The following TFB2M variants were observed in gnomAD, a reference collection of about 807,000 sequenced individuals.
The protein encoded by TFB2M is transcription factor B2, mitochondrial.
In TFB2M, 44 loss-of-function variants were observed where a neutral mutation model predicts 41.3. That is an observed-to-expected ratio of 1.07 (90% CI 0.84 to 1.37). The LOEUF is 1.37. Among genes scored for constraint, TFB2M ranks in the 40% most tolerant of loss-of-function variants. TFB2M has a pLI of 0.00. For synonymous variants in TFB2M, 188 were observed against 176.8 expected (o/e 1.06, Z -0.50); for missense variants, 496 against 490.2 (o/e 1.01, Z -0.11).
intron 4 of TFB2M, among the ~76,000 whole-genome samples, chr1:246,552,337 G>C (rs886714024): frequency 6.6e-6 from 1 of 152,164 alleles, no homozygotes; most frequent in African/African-American, 2.4e-5. Context: ...ATTCTGGGCA[G>C]AAAAGAAAGA....
At position 246,544,522 on chromosome 1, in the gene TFB2M, G is replaced by GT; in HGVS notation, c.1017dup (p.Arg340ThrfsTer7). On this transcript the variant is annotated frameshift_variant and splice_region_variant, in exon 7 of 8. Coordinates refer to ENST00000366514, the MANE Select transcript of TFB2M (RefSeq NM_022366.3). LOFTEE classifies it low-confidence loss of function (END_TRUNC). ...CTTGCTTTTATTCTTTTTACTCACCGTAAGTGGTCTATTACAGTGGCGCTG... is the reference window on the plus strand; with the variant it reads ...CTTGCTTTTATTCTTTTTACTCACCGTTAAGTGGTCTATTACAGTGGCGCTG... The GT allele has an allele frequency of 1.3e-6, 2 of 1,592,744 alleles. No homozygotes were observed. Among genetic ancestry groups the GT allele is most frequent in the Non-Finnish European group, 1.7e-6 (2 of 1,174,472 alleles).
intron 6 of TFB2M, among the ~76,000 whole-genome samples, chr1:246,546,571 G>T (rs1659024239): frequency 6.6e-6 from 1 of 151,138 alleles, no homozygotes; most frequent in South Asian, 2.1e-4. Flanking sequence ...CCAAGATCAT[G>T]CCATCGCACT....
At chr1:246,541,226 T>G in intron 7 of TFB2M, 24 bp from the exon 8 acceptor site, 1 of 1,606,034 alleles carries the variant, frequency 6.2e-7, no homozygotes, top group Non-Finnish European at 8.5e-7. Context: ...ACAAAGTAAA[T>G]GTACTTAATT....
chr1:246,558,210 AAT>A (rs1558513910), intron 2 of TFB2M, among the ~76,000 whole-genome samples: 1 of 149,300 alleles, frequency 6.7e-6, no homozygotes, highest in Non-Finnish European at 1.5e-5. Flanking sequence ...GCAGTGGCGC[AAT>A]CCCAGCTGAC....
intron 4 of TFB2M, 76 bp from the exon 5 acceptor site, chr1:246,551,378 G>T: frequency 9.7e-7 from 1 of 1,030,846 alleles, no homozygotes; most frequent in Non-Finnish European, 1.5e-6. Flanking sequence ...CTCTTAATAG[G>T]ACTATCTTAA....
At chr1:246,548,058 T>C (rs1338960118) in intron 6 of TFB2M, among the ~76,000 whole-genome samples, 1 of 152,182 alleles carries the variant, frequency 6.6e-6, no homozygotes, top group Non-Finnish European at 1.5e-5. Context: ...GTGATTCTTC[T>C]GCTTCAGCGT....
intron 2 of TFB2M, among the ~76,000 whole-genome samples, chr1:246,559,358 G>A (rs77627992): frequency 6.6e-5 from 10 of 152,228 alleles, no homozygotes; most frequent in African/African-American, 1.9e-4. Context: ...AGATGAGCAC[G>A]GCCAACATGG....
rs144916997 is a variant in TFB2M, at chr1:246,552,318, A to G, written c.706-1016T>C. On this transcript the variant is annotated intron_variant, in intron 4 of 7. Coordinates refer to ENST00000366514, the MANE Select transcript of TFB2M (RefSeq NM_022366.3). Reference sequence around the variant, plus strand: ...GTCAAACTGGATTAACAGATCAATAACATGAAACATTCTGGGCAGAAAAGA... The same window carrying G: ...GTCAAACTGGATTAACAGATCAATAGCATGAAACATTCTGGGCAGAAAAGA... Among the ~76,000 whole-genome samples the G allele has an allele frequency of 1.8e-3, 275 of 152,310 alleles. 1 individual carries two copies. The highest frequency in any genetic ancestry group is 6.3e-3 in the African/African-American group (261 of 41,574).
chr1:246,544,797 G>A, intron 6 of TFB2M, 116 bp from the exon 7 acceptor site: 1 of 839,780 alleles, frequency 1.2e-6, no homozygotes, highest in Non-Finnish European at 1.8e-6. Context: ...GGCCCTGAGT[G>A]TCTTCACATT....
intron 1 of TFB2M, 88 bp downstream of exon 1, chr1:246,565,738 C>T: frequency 1.4e-6 from 2 of 1,387,416 alleles, no homozygotes; most frequent in South Asian, 1.4e-5. Flanking sequence ...AAAAAGACCC[C>T]CCAGTATCTA....
intron 1 of TFB2M, among the ~76,000 whole-genome samples, chr1:246,564,836 C>T (rs1381657469): frequency 1.3e-5 from 2 of 152,100 alleles, no homozygotes; most frequent in Admixed American, 6.6e-5. Flanking sequence ...CCCGCCACCA[C>T]GCCCGGCTAA....
intron 2 of TFB2M, among the ~76,000 whole-genome samples, chr1:246,563,740 A>G (rs1659518218): frequency 6.6e-6 from 1 of 152,256 alleles, no homozygotes; most frequent in Non-Finnish European, 1.5e-5. Context: ...AAATTATTTA[A>G]AATATTATAC....
intron 6 of TFB2M, among the ~76,000 whole-genome samples, chr1:246,544,972 AT>A (rs1159065019): frequency 4.0e-5 from 6 of 151,838 alleles, no homozygotes; most frequent in Non-Finnish European, 8.8e-5. Context: ...CGCCTGGCTA[AT>A]TTTTTGTATT....
chr1:246,552,437 G>C (rs567348661), intron 4 of TFB2M, among the ~76,000 whole-genome samples: 1 of 152,292 alleles, frequency 6.6e-6, no homozygotes, highest in African/African-American at 2.4e-5. Context: ...CGGTGTAATG[G>C]CTCACAACTG....
intron 2 of TFB2M, among the ~76,000 whole-genome samples, chr1:246,558,961 T>C (rs1029622912): frequency 3.3e-5 from 5 of 152,178 alleles, no homozygotes; most frequent in African/African-American, 9.6e-5. Flanking sequence ...ATGTTTTTAA[T>C]GTGTACACTG....
rs1440164019 is a variant in TFB2M at position 246,566,227 on chromosome 1, T to A, written c.-89A>T. The A allele has an allele frequency of 3.6e-6, 5 of 1,383,150 alleles. No individual in the cohort carries two copies. Among genetic ancestry groups the A allele is most frequent in the Non-Finnish European group, 4.9e-6 (5 of 1,016,592 alleles). 85.7% of individuals were successfully genotyped at this position (1,383,150 alleles called of 1,614,324 possible). A position where few individuals can be genotyped will look rare whatever the true frequency, so the allele number is the denominator to read the frequency against. On this transcript the variant is annotated 5_prime_UTR_variant, in exon 1 of 8. Transcript: ENST00000366514. ...AGGGTATCCCACGTGGAACATTTTC[T>A]GGCGTCCGGGCCAGGTCAAGCGGAA...
intron 2 of TFB2M, among the ~76,000 whole-genome samples, chr1:246,563,644 CAAG>C (rs1246062828): frequency 6.6e-6 from 1 of 151,064 alleles, no homozygotes; most frequent in East Asian, 1.9e-4. Flanking sequence ...CGATGTCAAA[CAAG>C]GAGATTGTTC....
intron 6 of TFB2M, among the ~76,000 whole-genome samples, chr1:246,548,002 A>C (rs1460213312): frequency 6.8e-6 from 1 of 147,922 alleles, no homozygotes; most frequent in Non-Finnish European, 1.5e-5. Context: ...GCTAGAGTGC[A>C]GTGGCACGAT....
intron 6 of TFB2M, among the ~76,000 whole-genome samples, chr1:246,547,443 A>G (rs1009943375): frequency 2.0e-5 from 3 of 152,218 alleles, no homozygotes; most frequent in Non-Finnish European, 4.4e-5. Flanking sequence ...CATTATTCCT[A>G]TTCTGTTTTT....
Sources: gnomAD v4.1 joint callset for allele counts (sites outside exome capture counted in the v4.1 genomes callset) on GRCh38, gnomAD v4.1.1 for gene constraint, MANE v1.5 for transcripts, NCBI Gene and HGNC (gene_info 2026-07-23, HGNC 2026-07-21) for gene names.